SLC25A26: variants seen among roughly 807,000 people sequenced by gnomAD.
SLC25A26 encodes the protein solute carrier family 25 member 26.
In SLC25A26, 36 loss-of-function variants were observed where a neutral mutation model predicts 37.8. The observed-to-expected ratio is 0.95, with a 90% CI of 0.73 to 1.26. SLC25A26 has a LOEUF of 1.26. SLC25A26 is among the 50% of genes most tolerant of loss of function. The pLI, the probability that SLC25A26 is intolerant of heterozygous loss-of-function variation, is 0.00. For synonymous variants in SLC25A26, 129 were observed against 122.5 expected, an observed-to-expected ratio of 1.05 and a Z score of -0.35; for missense variants, 390 against 331.1, an observed-to-expected ratio of 1.18 and a Z score of -1.38.
At chr3:66,244,937 G>T (rs886099734) in intron 3 of SLC25A26, among the ~76,000 whole-genome samples, 2 of 152,036 alleles carry the variant, frequency 1.3e-5, no homozygotes, top group Non-Finnish European at 2.9e-5. Flanking sequence ...AGATCAAGCC[G>T]CTGCACTCCA....
rs368666300 is a variant in SLC25A26 at position 66,146,893 on chromosome 3, T to A, written c.-354+12909T>A. On this transcript the variant is annotated intron_variant, in intron 1 of 10. Transcript: ENST00000676754. ...TCTTATGCTTTTGCGGCCTAGTAGC[T>A]TAGCTCCCACTTATAAGTGAGAACA... Among the ~76,000 whole-genome samples, 67 of 152,242 alleles carry A rather than the reference T, an allele frequency of 4.4e-4. 1 individual carries two copies. In the East Asian group the frequency reaches 7.0e-3, roughly 16 times the overall value.
intron 1 of SLC25A26, among the ~76,000 whole-genome samples, chr3:66,157,812 A>C (rs1048976961): frequency 1.3e-5 from 2 of 152,206 alleles, no homozygotes; most frequent in African/African-American, 4.8e-5. Flanking sequence ...TTTTTGAGAC[A>C]GGGTCTCGCT....
chr3:66,162,404 CAGG>C (rs1349682362), intron 1 of SLC25A26, among the ~76,000 whole-genome samples: 2 of 144,976 alleles, frequency 1.4e-5, no homozygotes, highest in South Asian at 2.2e-4. Flanking sequence ...GCCAAAAACA[CAGG>C]AGAAGTGACT....
intron 5 of SLC25A26, among the ~76,000 whole-genome samples, chr3:66,278,003 G>A (rs1232703997): frequency 6.6e-6 from 1 of 152,022 alleles, no homozygotes; most frequent in Non-Finnish European, 1.5e-5. Flanking sequence ...ATGCAGTGTA[G>A]GATCCTGGAT....
intron 7 of SLC25A26, among the ~76,000 whole-genome samples, chr3:66,364,894 C>G (rs2076792548): frequency 1.3e-5 from 2 of 152,026 alleles, no homozygotes; most frequent in Admixed American, 6.6e-5. Flanking sequence ...TTGTCCAAGG[C>G]CTGCAAAAAA....
intron 3 of SLC25A26, among the ~76,000 whole-genome samples, chr3:66,246,830 G>T (rs1167738956): frequency 6.6e-6 from 1 of 152,118 alleles, no homozygotes; most frequent in East Asian, 1.9e-4. Context: ...CTACTGGTGT[G>T]CGCCACCAGG....
chr3:66,309,666 C>T (rs1477679302), intron 5 of SLC25A26, among the ~76,000 whole-genome samples: 1 of 152,170 alleles, frequency 6.6e-6, no homozygotes, highest in Non-Finnish European at 1.5e-5. Context: ...CCTCTAAACA[C>T]TGCTTTAAAT....
intron 1 of SLC25A26, among the ~76,000 whole-genome samples, chr3:66,191,361 C>T (rs1315401277): frequency 6.6e-6 from 1 of 152,192 alleles, no homozygotes; most frequent in East Asian, 1.9e-4. Flanking sequence ...TGCCACTGCA[C>T]TCCAGCCTGG....
At chr3:66,322,260 C>T (rs1023297380) in intron 5 of SLC25A26, among the ~76,000 whole-genome samples, 1 of 152,078 alleles carries the variant, frequency 6.6e-6, no homozygotes, top group African/African-American at 2.4e-5. Context: ...TTGATGCATG[C>T]TTTAGATTTT....
intron 5 of SLC25A26, among the ~76,000 whole-genome samples, chr3:66,339,050 AGTCT>A (rs2076150736): frequency 6.6e-6 from 1 of 151,876 alleles, no homozygotes; most frequent in African/African-American, 2.4e-5. Flanking sequence ...TGTCTGTTTG[AGTCT>A]GTTTTCAGTT....
intron 3 of SLC25A26, among the ~76,000 whole-genome samples, chr3:66,256,994 G>A (rs2073330405): frequency 6.6e-6 from 1 of 152,082 alleles, no homozygotes; most frequent in Non-Finnish European, 1.5e-5. Context: ...AGTTTCATTT[G>A]TTTTCAACAT....
At chr3:66,224,063 T>G (rs1559587517) in intron 1 of SLC25A26, among the ~76,000 whole-genome samples, 1 of 152,214 alleles carries the variant, frequency 6.6e-6, no homozygotes, top group Non-Finnish European at 1.5e-5. Flanking sequence ...TGTACTATAA[T>G]TACATGGAAA....
exon 1 of SLC25A26, chr3:66,133,668 T>C (rs1373507972): frequency 6.6e-6 from 1 of 152,154 alleles, no homozygotes; most frequent in Non-Finnish European, 1.5e-5. Context: ...GAGGAATCAG[T>C]GGTTTTCCAA....
chr3:66,234,470 CTTCTTAGG>C (rs782319640), intron 1 of SLC25A26, among the ~76,000 whole-genome samples: 13 of 152,252 alleles, frequency 8.5e-5, no homozygotes, highest in African/African-American at 2.9e-4. Context: ...TGGGTGACGT[CTTCTTAGG>C]TAATTTGCAG....
At chr3:66,331,257 G>A (rs1045579208) in intron 5 of SLC25A26, among the ~76,000 whole-genome samples, 8 of 151,756 alleles carry the variant, frequency 5.3e-5, no homozygotes, top group South Asian at 2.1e-4. Context: ...GTATTCACCA[G>A]TACTCTTAAG....
rs985772748 is a variant in SLC25A26 at position 66,186,877 on chromosome 3, C to A, written c.-353-33865C>A. ...ATATTCACTCTAACCTTAACCCTGA[C>A]CTGACCATGTCCCTGAGCTTGCTTG... On this transcript the variant is annotated intron_variant, in intron 1 of 10. Coordinates refer to the SLC25A26 transcript ENST00000676754. Among the ~76,000 whole-genome samples, 1,064 of 152,250 alleles carry A rather than the reference C, an allele frequency of 7.0e-3. 21 individuals are homozygous for A. Among genetic ancestry groups the A allele is most frequent in the African/African-American group, 0.024 (1,011 of 41,520 alleles).
rs775238270 is a variant in SLC25A26, at chr3:66,377,833, T to C, written c.*26T>C. 1.3e-6 allele frequency: 2 copies of C among 1,565,792 alleles called. No homozygotes were observed. The highest frequency in any genetic ancestry group is 2.7e-5 in the African/African-American group (2 of 73,954). On this transcript the variant is annotated 3_prime_UTR_variant, in exon 10 of 10. Coordinates refer to ENST00000354883, the MANE Select transcript of SLC25A26 (RefSeq NM_001379210.1). The stretch of plus-strand genomic sequence containing the variant: ...AGCAGAGACAAGCCTCACCTCCACT[T>C]CTGTCAAGAGAGGGGCCTGCAGTGC...
chr3:66,177,504 CT>C, intron 1 of SLC25A26, among the ~76,000 whole-genome samples: 1 of 152,300 alleles, frequency 6.6e-6, no homozygotes, highest in South Asian at 2.1e-4. Context: ...AGCTACTGAC[CT>C]CTTCCTTACC....
intron 3 of SLC25A26, among the ~76,000 whole-genome samples, chr3:66,255,350 A>C (rs1182067913): frequency 3.5e-4 from 53 of 152,260 alleles, no homozygotes; most frequent in Middle Eastern, 6.8e-3. Flanking sequence ...AACAACAGAA[A>C]ATATTTTATT....
Sources: allele counts gnomAD v4.1 joint callset (sites outside exome capture counted in the v4.1 genomes callset), GRCh38; gene constraint gnomAD v4.1.1; transcripts MANE v1.5; gene names NCBI Gene and HGNC (gene_info 2026-07-23, HGNC 2026-07-21).